ANK3: variants seen among roughly 807,000 people sequenced by gnomAD.
ANK3 encodes the protein ankyrin-3.
Under a neutral mutation model 370.9 loss-of-function variants are expected in ANK3, and 57 were observed. That is an observed-to-expected ratio of 0.15 (90% CI 0.12 to 0.19). The LOEUF (loss-of-function observed/expected upper bound fraction) is 0.19. ANK3 is among the 10% of genes least tolerant of loss of function. The probability of loss-of-function intolerance (pLI) is 1.00; values close to 1 mark genes in which losing one functional copy is unlikely to be tolerated. For synonymous variants in ANK3, 1,929 were observed against 1,946.3 expected, an observed-to-expected ratio of 0.99 and a Z score of 0.23; for missense variants, 4,439 against 5,302.1, an observed-to-expected ratio of 0.84 and a Z score of 5.06.
At chr10:60,233,636 T>A (rs929816959) in intron 8 of ANK3, among the ~76,000 whole-genome samples, 1 of 152,130 alleles carries the variant, frequency 6.6e-6, no homozygotes, top group South Asian at 2.1e-4. Context: ...GAGGTTTTGC[T>A]GTGCTGCCCA....
At chr10:60,627,634 G>A (rs1308068424) in intron 1 of ANK3, among the ~76,000 whole-genome samples, 4 of 151,990 alleles carry the variant, frequency 2.6e-5, no homozygotes, top group East Asian at 1.9e-4. Flanking sequence ...CTATGATATC[G>A]TTTATCTGAC....
intron 5 of ANK3, among the ~76,000 whole-genome samples, chr10:60,267,804 T>C (rs1468425616): frequency 6.6e-6 from 1 of 152,320 alleles, no homozygotes; most frequent in African/African-American, 2.4e-5. Context: ...AAGAAAGCTA[T>C]GGAATCACTT....
intron 2 of ANK3, among the ~76,000 whole-genome samples, chr10:60,431,277 T>C (rs944292062): frequency 3.3e-5 from 5 of 152,102 alleles, no homozygotes; most frequent in South Asian, 2.1e-4. Flanking sequence ...CTCACACACA[T>C]AGTTCACAGT....
chr10:60,169,364 GTTTTTTTTT>G (rs71015773), intron 21 of ANK3, among the ~76,000 whole-genome samples: 1 of 51,896 alleles, frequency 1.9e-5, no homozygotes, highest in Non-Finnish European at 3.6e-5. Flanking sequence ...TTGTCTCATA[GTTTTTTTTT>G]TTTTTTTTTT....
At chr10:60,461,771 G>A (rs141589788) in intron 2 of ANK3, among the ~76,000 whole-genome samples, 79 of 152,248 alleles carry the variant, frequency 5.2e-4, no homozygotes, top group Middle Eastern at 6.8e-3. Flanking sequence ...CGAAAATCAC[G>A]CAATCAAATA....
At chr10:60,331,432 AAC>A (rs1226687715) in intron 1 of ANK3, among the ~76,000 whole-genome samples, 2 of 152,126 alleles carry the variant, frequency 1.3e-5, no homozygotes, top group East Asian at 1.9e-4. Context: ...AACAAAATGA[AAC>A]AGTGTTTTTC....
chr10:60,389,569 C>T lies in ANK3; in HGVS notation c.-31G>A, dbSNP rs773004218. On this transcript the variant is annotated 5_prime_UTR_variant, in exon 1 of 44. It adds an upstream start codon to the 5' untranslated region. Coordinates refer to ENST00000280772, the MANE Select transcript of ANK3 (RefSeq NM_020987.5). The stretch of plus-strand genomic sequence containing the variant: ...ATTTAAAAAGATCCTCTCAAGCACA[C>T]ACGGCTTCCTTGTAAAAGGTGATAT... 1.6e-5 allele frequency: 26 copies of T among 1,610,054 alleles called. No individual in the cohort carries two copies. The South Asian group carries it at 2.8e-4, about 17-fold the overall frequency.
intron 1 of ANK3, among the ~76,000 whole-genome samples, chr10:60,314,529 CTG>C (rs2047011987): frequency 6.6e-6 from 1 of 152,110 alleles, no homozygotes; most frequent in African/African-American, 2.4e-5. Flanking sequence ...TTCTGGGAAT[CTG>C]TGTTATATGA....
intron 1 of ANK3, among the ~76,000 whole-genome samples, chr10:60,282,333 A>G (rs531089842): frequency 5.4e-4 from 82 of 152,224 alleles, no homozygotes; most frequent in Non-Finnish European, 1.1e-3. Context: ...ATAATTCCAT[A>G]CACTGTCCAT....
chr10:60,141,430 T>C (rs2094550425), intron 23 of ANK3, among the ~76,000 whole-genome samples: 1 of 151,978 alleles, frequency 6.6e-6, no homozygotes, highest in Non-Finnish European at 1.5e-5. Flanking sequence ...TGTTACATTG[T>C]TTCTTTCTCT....
At chr10:60,696,455 A>G (rs2079451331) in intron 1 of ANK3, among the ~76,000 whole-genome samples, 1 of 151,532 alleles carries the variant, frequency 6.6e-6, no homozygotes, top group East Asian at 1.9e-4. Flanking sequence ...ACCAAAAAAG[A>G]GAATTTTAGA....
intron 2 of ANK3, among the ~76,000 whole-genome samples, chr10:60,490,861 T>G (rs10994382): frequency 6.6e-6 from 1 of 152,184 alleles, no homozygotes; most frequent in African/African-American, 2.4e-5. Context: ...TCTAAACTTA[T>G]GTAAAAATCA....
chr10:60,475,674 T>TC (rs1263008185), intron 2 of ANK3, among the ~76,000 whole-genome samples: 3 of 152,152 alleles, frequency 2.0e-5, no homozygotes, highest in African/African-American at 7.2e-5. Context: ...GATTTTTTTT[T>TC]CTCCTCAAAG....
chr10:60,450,908 T>C (rs192473476), intron 2 of ANK3, among the ~76,000 whole-genome samples: 169 of 143,044 alleles, frequency 1.2e-3, no homozygotes, highest in African/African-American at 4.2e-3. Flanking sequence ...CTCCAAAAGA[T>C]CTGTCCACTT....
In ANK3 at chr10:60,049,005, A is replaced by G. The variant is rs565740392; in HGVS notation, c.13066-6246T>C. On this transcript the variant is annotated intron_variant, in intron 42 of 43. Coordinates refer to ENST00000280772, the MANE Select transcript of ANK3 (RefSeq NM_020987.5). ...TAGTCCTCAAGCTCTTTTCCATTAG[A>G]AAGATAGATAGCAACATATGGAGTA... is the stretch of plus-strand genomic sequence containing the variant. Among the ~76,000 whole-genome samples the G allele has an allele frequency of 6.6e-5, 10 of 152,316 alleles. No individual in the cohort carries two copies. The East Asian group carries it at 1.9e-3, about 29-fold the overall frequency.
chr10:60,495,109 A>C (rs1042613978), intron 2 of ANK3, among the ~76,000 whole-genome samples: 4 of 152,224 alleles, frequency 2.6e-5, no homozygotes, highest in Non-Finnish European at 5.9e-5. Context: ...AATGTTCACA[A>C]AGTAGCAAAA....
At chr10:60,190,354 G>A (rs1412156776) in intron 16 of ANK3, among the ~76,000 whole-genome samples, 1 of 152,150 alleles carries the variant, frequency 6.6e-6, no homozygotes, top group Non-Finnish European at 1.5e-5. Flanking sequence ...AGGAATGCCT[G>A]AGCTTCCCTG....
intron 8 of ANK3, among the ~76,000 whole-genome samples, chr10:60,217,829 G>C (rs1001534530): frequency 1.2e-4 from 18 of 152,144 alleles, no homozygotes; most frequent in Non-Finnish European, 2.1e-4. Flanking sequence ...CTGTCTCATA[G>C]ATCTGTCTAA....
chr10:60,078,742 G>A (rs2084392233), intron 36 of ANK3, among the ~76,000 whole-genome samples: 1 of 152,140 alleles, frequency 6.6e-6, no homozygotes, highest in Non-Finnish European at 1.5e-5. Flanking sequence ...AAGGAAAAGT[G>A]GCATTCACTT....
Sources: allele counts gnomAD v4.1 joint callset (sites outside exome capture counted in the v4.1 genomes callset), GRCh38; gene constraint gnomAD v4.1.1; transcripts MANE v1.5; gene names NCBI Gene and HGNC (gene_info 2026-07-23, HGNC 2026-07-21).